The following ZNF563 variants were observed in gnomAD, a reference collection of about 807,000 sequenced individuals.
The protein encoded by ZNF563 is zinc finger protein 563.
In ZNF563, 39 loss-of-function variants were observed where a neutral mutation model predicts 48.5. The observed-to-expected ratio is 0.80, with a 90% CI of 0.62 to 1.05. ZNF563 has a LOEUF of 1.05. ZNF563 is among the 50% of genes least tolerant of loss of function. ZNF563 has a pLI of 0.00. For missense variants in ZNF563, 538 were observed against 597.0 expected, an observed-to-expected ratio of 0.90 and a Z score of 1.03; for synonymous variants, 168 against 187.9, an observed-to-expected ratio of 0.89 and a Z score of 0.87.
At chr19:12,333,070 G>C (rs977720111) in intron 1 of ZNF563, among the ~76,000 whole-genome samples, 4 of 152,166 alleles carry the variant, frequency 2.6e-5, no homozygotes, top group African/African-American at 9.7e-5. Context: ...TGAAGACTCA[G>C]AGGGACACCG....
chr19:12,335,174 G>A (rs1270564308), upstream of ZNF563, among the ~76,000 whole-genome samples: 2 of 152,120 alleles, frequency 1.3e-5, no homozygotes, highest in Admixed American at 6.5e-5. Flanking sequence ...CTTGGAAGAA[G>A]CCTCAGAAGC....
chr19:12,334,941 C>G (rs981135027), upstream of ZNF563, among the ~76,000 whole-genome samples: 14 of 151,388 alleles, frequency 9.2e-5, no homozygotes, highest in African/African-American at 2.7e-4. Flanking sequence ...ATTCATAAAC[C>G]CTTTACCCAG....
In ZNF563 at chr19:12,318,463, A is replaced by C; in HGVS notation, c.*131T>G. On this transcript the variant is annotated 3_prime_UTR_variant, in exon 4 of 4. Transcript: ENST00000293725. The stretch of plus-strand genomic sequence containing the variant: ...GCATCTCTCCAGTGTGAGATATTTC[A>C]TGATTTTGAAAGGAATAAAAATTAT... 2.9e-6 allele frequency: 3 copies of C among 1,047,250 alleles called. No individual in the cohort carries two copies. The highest frequency in any genetic ancestry group is 4.1e-6 in the Non-Finnish European group (3 of 733,168). The allele number at this position is 1,047,250 out of a possible 1,614,324, so 64.9% of individuals were successfully genotyped here. A position where few individuals can be genotyped will look rare whatever the true frequency, so the allele number is the denominator to read the frequency against.
At chr19:12,333,379 C>G in intron 1 of ZNF563, 101 bp downstream of exon 1, 2 of 1,515,146 alleles carry the variant, frequency 1.3e-6, no homozygotes, top group Non-Finnish European at 1.8e-6. Flanking sequence ...TCCCAGACCC[C>G]GGAGCTGACG....
chr19:12,321,148 A>G (rs1016564560), intron 3 of ZNF563, 124 bp downstream of exon 3: 28 of 681,102 alleles, frequency 4.1e-5, no homozygotes, highest in Non-Finnish European at 6.1e-5. Context: ...TAAAAAAAAA[A>G]GTTAATTTAA....
At chr19:12,347,144 G>A in the ZNF563 span, 6 of 152,160 alleles carry the variant, frequency 3.9e-5, no homozygotes, top group African/African-American at 1.4e-4. Context: ...GTCTATTTGA[G>A]ATATATTTCA....
rs1198772583 is a variant in ZNF563 at position 12,324,250 on chromosome 19, T to C, written c.4-1539A>G. 1.2e-4 allele frequency among the ~76,000 whole-genome samples: 18 copies of C among 152,066 alleles called. No individual in the cohort carries two copies. In the South Asian group the frequency reaches 1.7e-3, roughly 14 times the overall value. On this transcript the variant is annotated intron_variant, in intron 1 of 3. Coordinates refer to ENST00000293725, the MANE Select transcript of ZNF563 (RefSeq NM_145276.3). Reference sequence around the variant, plus strand: ...GTGGTGTGCCTGTAGTCCCAGCTAATTGGGAAGCTGAGGTGGGAGGATCAC... The same window carrying C: ...GTGGTGTGCCTGTAGTCCCAGCTAACTGGGAAGCTGAGGTGGGAGGATCAC...
chr19:12,319,602 A>G lies in ZNF563; in HGVS notation c.423T>C (p.His141=), dbSNP rs1968551875. The G allele has an allele frequency of 1.2e-6, 2 of 1,614,092 alleles. No individual in the cohort carries two copies. The highest frequency in any genetic ancestry group is 1.7e-5 in the Admixed American group (1 of 59,992). The part of the protein sequence containing the change: ...HEYQEYGEKP[H]THKQRGKAFS... ...AGGCTTTCCCACGTTGTTTATGTGT[A>G]TGTGGCTTCTCTCCATATTCCTGAT... Residue 141 remains histidine (H), a synonymous_variant, in exon 4 of 4, where the codon CAT becomes CAC. Coordinates refer to ENST00000293725, the MANE Select transcript of ZNF563 (RefSeq NM_145276.3).
Position 12,318,570 on chromosome 19 carries a change from A to G in ZNF563, c.*24T>C, listed in dbSNP as rs1240284803. The G allele has an allele frequency of 1.9e-6, 3 of 1,590,038 alleles. No homozygotes were observed. In the South Asian group the frequency reaches 3.4e-5, roughly 18 times the overall value. ...TGATATCAAAGGGAACTGGAAATAT[A>G]GAAGGCTTTATAATAGTTTACATTC... On this transcript the variant is annotated 3_prime_UTR_variant, in exon 4 of 4. Coordinates refer to ENST00000293725, the MANE Select transcript of ZNF563 (RefSeq NM_145276.3).
the ZNF563 span, among the ~76,000 whole-genome samples, chr19:12,343,180 G>A: frequency 1.3e-5 from 2 of 151,598 alleles, no homozygotes; most frequent in East Asian, 3.9e-4. Flanking sequence ...CTGGGTGACA[G>A]AGCGAGACTG....
intron 1 of ZNF563, among the ~76,000 whole-genome samples, chr19:12,332,756 A>G (rs548054653): frequency 1.1e-3 from 164 of 152,210 alleles, no homozygotes; most frequent in African/African-American, 3.7e-3. Flanking sequence ...GGCACTATCA[A>G]TCAGCCCAAG....
chr19:12,322,694 C>T lies in ZNF563; in HGVS notation c.21G>A (p.Glu7=), dbSNP rs200687195. The change falls in exon 2 of 4, where the codon GAG becomes GAA. Residue 7 remains glutamate, a synonymous_variant. Coordinates refer to ENST00000293725, the MANE Select transcript of ZNF563 (RefSeq NM_145276.3). ...CCTGGGTGAAGTTCACAGCCACATC[C>T]TCAAAGGCCACTGCGTCCTGAAACA... is the stretch of plus-strand genomic sequence containing the variant. The part of the protein sequence containing the change: MDAVAF[E]DVAVNFTQEE... 106 of 1,606,776 alleles carry T rather than the reference C, an allele frequency of 6.6e-5. No homozygotes were observed. The highest frequency in any genetic ancestry group is 5.0e-4 in the Middle Eastern group (3 of 6,018).
chr19:12,333,497 G>C lies in ZNF563; in HGVS notation c.-15C>G, dbSNP rs1402818566. The C allele has an allele frequency of 1.9e-5, 31 of 1,613,600 alleles. No individual in the cohort carries two copies. The Admixed American group carries it at 5.0e-4, about 26-fold the overall frequency. On this transcript the variant is annotated 5_prime_UTR_variant, in exon 1 of 4. In the 5' UTR this introduces an upstream ATG that the reference lacks. Transcript: ENST00000293725. ...ACACGCACCATTTCCCGGCTTCCGGGATGTTCCAGGGTCCTCCCTCTGCCT... is the reference window on the plus strand; with the variant it reads ...ACACGCACCATTTCCCGGCTTCCGGCATGTTCCAGGGTCCTCCCTCTGCCT...
Position 12,318,949 on chromosome 19 carries a change from T to C in ZNF563, c.1076A>G (p.His359Arg), listed in dbSNP as rs1185825098. ...GCATTCATAGGGTTTCTCTCCAGTG[T>C]GAATTCGTTCATGATATCGAACTAA... Reference protein sequence around the residue: ...PSLVRYHERIHTGEKPYECKQ... With the variant: ...PSLVRYHERIRTGEKPYECKQ... Residue 359 changes from histidine to arginine, a missense_variant, in exon 4 of 4, where the codon CAC (histidine) becomes CGC (arginine). Coordinates refer to ENST00000293725, the MANE Select transcript of ZNF563 (RefSeq NM_145276.3). The C allele has an allele frequency of 6.2e-7, 1 of 1,614,160 alleles. No individual in the cohort carries two copies. The highest frequency in any genetic ancestry group is 2.2e-5 in the East Asian group (1 of 44,906).
At position 12,319,004 on chromosome 19, in the gene ZNF563, T is replaced by C. The variant is rs769093506; in HGVS notation, c.1021A>G (p.Ile341Val). The change falls in exon 4 of 4, where the codon ATA (isoleucine) becomes GTA (valine). Residue 341 changes from isoleucine (I) to valine (V), a missense_variant. Ile to Val is a conservative substitution (Grantham distance 29, BLOSUM62 3). Coordinates refer to ENST00000293725, the MANE Select transcript of ZNF563 (RefSeq NM_145276.3). The stretch of plus-strand genomic sequence containing the variant: ...GGACGATCAAAGCCTTTCCCACATA[T>C]CTTACATTTATGAGGTCGATCTCCA... Reference protein sequence around the residue: ...HTGDRPHKCKICGKGFDRPSL... With the variant: ...HTGDRPHKCKVCGKGFDRPSL... The C allele has an allele frequency of 2.4e-5, 39 of 1,613,870 alleles. No homozygotes were observed. Among genetic ancestry groups the C allele is most frequent in the Middle Eastern group, 1.6e-4 (1 of 6,082 alleles).
Position 12,319,577 on chromosome 19 carries a change from A to C in ZNF563, c.448T>G (p.Phe150Val). 1 of 1,614,158 alleles carries C rather than the reference A, an allele frequency of 6.2e-7. No individual in the cohort carries two copies. The highest frequency in any genetic ancestry group is 8.5e-7 in the Non-Finnish European group (1 of 1,180,032). The change falls in exon 4 of 4, where the codon TTC becomes GTC. Residue 150 changes from phenylalanine (F) to valine (V), a missense_variant. Transcript: ENST00000293725. Reference protein sequence around the residue: ...PHTHKQRGKAFSYHHSFQSRG... With the variant: ...PHTHKQRGKAVSYHHSFQSRG... ...GACTGAAAGGAGTGATGGTAACTGA[A>C]GGCTTTCCCACGTTGTTTATGTGTA...
At chr19:12,325,469 C>CAAAAA (rs36079909) in intron 1 of ZNF563, among the ~76,000 whole-genome samples, 1 of 83,412 alleles carries the variant, frequency 1.2e-5, no homozygotes, top group African/African-American at 4.2e-5. Flanking sequence ...GACTCCATCT[C>CAAAAA]AAAAAAAAAA....
intron 1 of ZNF563, among the ~76,000 whole-genome samples, chr19:12,327,995 G>C (rs1968834624): frequency 6.6e-6 from 1 of 152,182 alleles, no homozygotes; most frequent in African/African-American, 2.4e-5. Context: ...ATAATTCACA[G>C]ATCAGTTTGT....
In ZNF563 at chr19:12,318,756, G is replaced by A. The variant is rs1317186061; in HGVS notation, c.1269C>T (p.Cys423=). The A allele has an allele frequency of 6.2e-7, 1 of 1,613,936 alleles. No individual in the cohort carries two copies. The highest frequency in any genetic ancestry group is 1.7e-5 in the Admixed American group (1 of 59,996). The change falls in exon 4 of 4, where the codon TGC becomes TGT. Residue 423 remains cysteine, a synonymous_variant. Coordinates refer to ENST00000293725, the MANE Select transcript of ZNF563 (RefSeq NM_145276.3). Reference sequence around the variant, plus strand: ...GAGATAACGCTTTCCCACACTGCTTGCATTCATAGGGTTTCTCTCCACTGT... The same window carrying A: ...GAGATAACGCTTTCCCACACTGCTTACATTCATAGGGTTTCTCTCCACTGT... ...KSHSGEKPYE[C]KQCGKALSHS...
Sources: gnomAD v4.1 joint callset for allele counts (sites outside exome capture counted in the v4.1 genomes callset) on GRCh38, gnomAD v4.1.1 for gene constraint, MANE v1.5 for transcripts, NCBI Gene and HGNC (gene_info 2026-07-23, HGNC 2026-07-21) for gene names.